Variants in MROH2B observed in about 807,000 individuals in gnomAD.
MROH2B encodes maestro heat like repeat family member 2B.
In MROH2B, 177 loss-of-function variants were observed where a neutral mutation model predicts 208.6. The observed-to-expected ratio is 0.85, with a 90% CI of 0.75 to 0.96. The LOEUF is 0.96. MROH2B is among the 40% of genes least tolerant of loss of function. The pLI is 0.00. For synonymous variants in MROH2B, 728 were observed against 659.0 expected (o/e 1.10, Z -1.60); for missense variants, 2,002 against 1,878.7 (o/e 1.07, Z -1.21).
intron 20 of MROH2B, 74 bp from the exon 21 acceptor site, chr5:41,038,962 T>G (rs1742855110): frequency 7.9e-6 from 11 of 1,396,854 alleles, no homozygotes; most frequent in Non-Finnish European, 9.8e-6. Flanking sequence ...TTTTTCCTAA[T>G]CCTGTGGACC....
intron 17 of MROH2B, 148 bp from the exon 18 acceptor site, chr5:41,046,001 T>G: frequency 2.2e-6 from 1 of 449,744 alleles, no homozygotes; most frequent in East Asian, 3.5e-5. Flanking sequence ...CCTTCGAAAC[T>G]TTCCTCTTAG....
intron 18 of MROH2B, among the ~76,000 whole-genome samples, chr5:41,042,547 G>A (rs1394225262): frequency 1.3e-5 from 2 of 152,120 alleles, no homozygotes; most frequent in African/African-American, 4.8e-5. Context: ...GTTCCTGATT[G>A]TTAATATGTG....
chr5:41,000,296 T>C lies in MROH2B; in HGVS notation c.4406A>G (p.Tyr1469Cys), dbSNP rs1208128072. The C allele has an allele frequency of 1.1e-5, 17 of 1,613,690 alleles. No individual in the cohort carries two copies. Among genetic ancestry groups the C allele is most frequent in the African/African-American group, 2.7e-5 (2 of 74,880 alleles). ...ATCAAGGAGACGGTCTAATACCCCA[T>C]AGAGCTCCTGGAGGCCCAAAAAGGG... Reference protein sequence around the residue: ...CIPFLGLQELYGVLDRLLDQD... With the variant: ...CIPFLGLQELCGVLDRLLDQD... The change falls in exon 39 of 42, where the codon TAT becomes TGT. Residue 1469 changes from tyrosine (Y) to cysteine (C), a missense_variant. Physicochemically the swap from Tyr to Cys is radical, Grantham distance 194. Transcript: ENST00000399564.
intron 28 of MROH2B, among the ~76,000 whole-genome samples, chr5:41,016,511 T>TTTG (rs1554047605): frequency 7.1e-6 from 1 of 141,442 alleles, no homozygotes; most frequent in African/African-American, 2.6e-5. Context: ...TTTTTTTTTT[T>TTTG]TTTTTTTTTT....
chr5:41,014,688 T>C (rs931284333), intron 29 of MROH2B, among the ~76,000 whole-genome samples: 3 of 152,224 alleles, frequency 2.0e-5, no homozygotes, highest in Non-Finnish European at 2.9e-5. Flanking sequence ...CCCCTCTTTC[T>C]ACACTTCAGG....
In MROH2B at chr5:41,042,346, C is replaced by G. The variant is rs1434438414; in HGVS notation, c.1837-138G>C. ...TAACCATGTACCTCAAGTATTCTCT[C>G]TTCTTGAGAGTGTTTCCTTCCTCCA... On this transcript the variant is annotated intron_variant, in intron 18 of 41. Transcript: ENST00000399564. 5.5e-6 allele frequency: 3 copies of G among 543,864 alleles called. No individual in the cohort carries two copies. The African/African-American group carries it at 5.7e-5, about 10-fold the overall frequency. 33.7% of individuals were successfully genotyped at this position (543,864 alleles called of 1,614,324 possible).
rs368810786 is a variant in MROH2B at position 41,018,695 on chromosome 5, A to C, written c.2669T>G (p.Phe890Cys). 3.1e-6 allele frequency: 5 copies of C among 1,613,848 alleles called. No homozygotes were observed. The highest frequency in any genetic ancestry group is 4.2e-6 in the Non-Finnish European group (5 of 1,179,828). ...NVNAEDCQEM[F>C]NLLQMWLVSQ... is the part of the protein sequence containing the mutation. ...TTGAGTGGAGGCTCTACTCACATTA[A>C]ACATTTCTTGACAGTCCTCTGCATT... Residue 890 changes from phenylalanine to cysteine, a missense_variant, in exon 26 of 42, where the codon TTT becomes TGT. Transcript: ENST00000399564.
chr5:41,064,082 G>A (rs920699278), intron 5 of MROH2B, among the ~76,000 whole-genome samples: 2 of 152,144 alleles, frequency 1.3e-5, no homozygotes, highest in African/African-American at 2.4e-5. Flanking sequence ...AGAAAGTGTC[G>A]TCCAGTTAGA....
intron 2 of MROH2B, among the ~76,000 whole-genome samples, 177 bp downstream of exon 2, chr5:41,069,514 C>T (rs1390742696): frequency 6.6e-6 from 1 of 152,052 alleles, no homozygotes; most frequent in East Asian, 1.9e-4. Context: ...CTTGAAATGC[C>T]AAATATCATT....
chr5:41,059,105 A>G (rs1455941312), intron 6 of MROH2B, among the ~76,000 whole-genome samples: 1 of 150,638 alleles, frequency 6.6e-6, no homozygotes, highest in Non-Finnish European at 1.5e-5. Flanking sequence ...GACCCTAACT[A>G]TTACCCCCAC....
At chr5:41,010,723 T>C (rs1741747505) in intron 30 of MROH2B, among the ~76,000 whole-genome samples, 1 of 152,142 alleles carries the variant, frequency 6.6e-6, no homozygotes, top group Admixed American at 6.5e-5. Flanking sequence ...GTCAAACCCA[T>C]AGACTGTACA....
chr5:41,033,964 G>A lies in MROH2B; in HGVS notation c.2215-100C>T. 2.2e-6 allele frequency: 3 copies of A among 1,381,616 alleles called. No individual in the cohort carries two copies. The Admixed American group carries it at 6.7e-5, about 31-fold the overall frequency. 85.6% of individuals were successfully genotyped at this position (1,381,616 alleles called of 1,614,324 possible). A position where few individuals can be genotyped will look rare whatever the true frequency, so the allele number is the denominator to read the frequency against. On this transcript the variant is annotated intron_variant, in intron 21 of 41. Coordinates refer to ENST00000399564, the MANE Select transcript of MROH2B (RefSeq NM_173489.5). ...TCACCCATCAACCTGAAGGACAATA[G>A]TAAAGCAGGAGGTAGAGCCTTGCCA...
chr5:41,006,427 G>A (rs1360354031), intron 34 of MROH2B, among the ~76,000 whole-genome samples: 1 of 152,146 alleles, frequency 6.6e-6, no homozygotes. Context: ...GAAAACAGTG[G>A]AGCTTCTTAA....
intron 21 of MROH2B, among the ~76,000 whole-genome samples, chr5:41,036,513 C>T (rs1742764813): frequency 6.6e-6 from 1 of 152,086 alleles, no homozygotes; most frequent in South Asian, 2.1e-4. Flanking sequence ...AGTAAATATA[C>T]CATGGATTAC....
chr5:41,024,771 C>T (rs1742290110), intron 24 of MROH2B, among the ~76,000 whole-genome samples: 1 of 152,156 alleles, frequency 6.6e-6, no homozygotes, highest in African/African-American at 2.4e-5. Flanking sequence ...CCAAAATTGA[C>T]CACATAGCTG....
At chr5:41,013,701 TGTTTTGTC>T (rs1198089481) in intron 29 of MROH2B, among the ~76,000 whole-genome samples, 1 of 152,214 alleles carries the variant, frequency 6.6e-6, no homozygotes, top group Non-Finnish European at 1.5e-5. Flanking sequence ...CATGGTTAGC[TGTTTTGTC>T]TCACAGTGGG....
At chr5:41,004,656 C>T in intron 36 of MROH2B, 118 bp downstream of exon 36, 1 of 1,523,340 alleles carries the variant, frequency 6.6e-7, no homozygotes, top group Non-Finnish European at 8.8e-7. Context: ...AGGACTACCA[C>T]TTCAGCAATG....
chr5:41,023,161 C>T (rs1339960756), intron 24 of MROH2B, among the ~76,000 whole-genome samples: 1 of 152,182 alleles, frequency 6.6e-6, no homozygotes, highest in Non-Finnish European at 1.5e-5. Flanking sequence ...GAAAGCAGCT[C>T]CTCACAAGCA....
chr5:41,029,984 T>C (rs983778116), intron 24 of MROH2B, among the ~76,000 whole-genome samples: 5 of 152,060 alleles, frequency 3.3e-5, no homozygotes, highest in African/African-American at 1.2e-4. Context: ...CAAAAACTTT[T>C]GTGCATCAAA....
Sources: allele counts gnomAD v4.1 joint callset (sites outside exome capture counted in the v4.1 genomes callset), GRCh38; gene constraint gnomAD v4.1.1; transcripts MANE v1.5; gene names NCBI Gene and HGNC (gene_info 2026-07-23, HGNC 2026-07-21).